Variants in MEX3C observed in about 807,000 individuals in gnomAD.
MEX3C encodes mex-3 RNA binding family member C, also known as RNA-binding E3 ubiquitin-protein ligase MEX3C.
MEX3C carries 15 observed loss-of-function variants against 35.5 expected under a neutral mutation model. The ratio of observed to expected loss-of-function variants is 0.42; its 90% CI spans 0.28 to 0.65. MEX3C has a LOEUF of 0.65. Ranked by LOEUF, MEX3C falls within the 30% of genes least tolerant of loss-of-function variation. The pLI, the probability that MEX3C is intolerant of heterozygous loss-of-function variation, is 0.20. For synonymous variants in MEX3C, 390 were observed against 352.8 expected, an observed-to-expected ratio of 1.11 and a Z score of -1.18; for missense variants, 711 against 842.8, an observed-to-expected ratio of 0.84 and a Z score of 1.94.
intron 1 of MEX3C, chr18:51,195,140 T>G (rs2144560812): frequency 6.6e-6 from 1 of 152,346 alleles, no homozygotes; most frequent in African/African-American, 2.4e-5. Flanking sequence ...TGTTCTTACA[T>G]GAATGGTCAA....
intron 1 of MEX3C, among the ~76,000 whole-genome samples, chr18:51,189,701 A>G (rs1166647318): frequency 6.6e-6 from 1 of 152,156 alleles, no homozygotes; most frequent in Non-Finnish European, 1.5e-5. Flanking sequence ...GGAGCTTGAA[A>G]TTATGTTCAT....
chr18:51,185,053 T>G (rs1008156881), intron 1 of MEX3C, among the ~76,000 whole-genome samples: 2 of 152,234 alleles, frequency 1.3e-5, no homozygotes, highest in African/African-American at 4.8e-5. Context: ...GACAAAAATT[T>G]ATTGTTTTTA....
chr18:51,182,333 C>T (rs970830095), intron 1 of MEX3C, among the ~76,000 whole-genome samples: 2 of 152,096 alleles, frequency 1.3e-5, no homozygotes, highest in Admixed American at 1.3e-4. Flanking sequence ...TAAATGATTT[C>T]GTAGCCTCAA....
At chr18:51,183,470 C>CTA (rs1912471296) in intron 1 of MEX3C, among the ~76,000 whole-genome samples, 2 of 152,184 alleles carry the variant, frequency 1.3e-5, no homozygotes, top group African/African-American at 2.4e-5. Flanking sequence ...CTTTAAAAAG[C>CTA]TATAGTAGAC....
chr18:51,196,523 G>A, intron 1 of MEX3C, 44 bp downstream of exon 1: 2 of 1,527,188 alleles, frequency 1.3e-6, no homozygotes, highest in Non-Finnish European at 1.7e-6. Flanking sequence ...CCCCACCCAC[G>A]CCCGGGGCCA....
Position 51,176,378 on chromosome 18 carries a change from A to C in MEX3C, c.1953T>G (p.Val651=), listed in dbSNP as rs900667070. The C allele has an allele frequency of 5.6e-6, 9 of 1,613,874 alleles. No individual in the cohort carries two copies. Among genetic ancestry groups the C allele is most frequent in the Middle Eastern group, 1.6e-4 (1 of 6,062 alleles). Residue 651 remains valine (V), a synonymous_variant, in exon 2 of 2, where the codon GTT becomes GTG. Transcript: ENST00000406189. ...AAGAGTGAATTTGGATTGCCTGAGT[A>C]ACAGCTGTCTGGCAAACTGGACATG... ...TPSCPVCQTA[V]TQAIQIHS
rs1465454373 is a variant in MEX3C, at chr18:51,176,842, G to A, written c.1489C>T (p.Pro497Ser). ...GATGTTGGTAAAGAGTCAAAGGCAG[G>A]AGAGTCAACTGCTAGGTCTTCTGAG... Reference protein sequence around the residue: ...VGSEDLAVDSPAFDSLPTSAQ... With the variant: ...VGSEDLAVDSSAFDSLPTSAQ... The change falls in exon 2 of 2, where the codon CCT becomes TCT. Residue 497 changes from proline to serine, a missense_variant. By Grantham distance (74) the Pro-to-Ser change is moderately conservative. Coordinates refer to ENST00000406189, the MANE Select transcript of MEX3C (RefSeq NM_016626.5). 1 of 1,613,872 alleles carries A rather than the reference G, an allele frequency of 6.2e-7. No homozygotes were observed. Among genetic ancestry groups the A allele is most frequent in the Non-Finnish European group, 8.5e-7 (1 of 1,179,900 alleles).
intron 1 of MEX3C, among the ~76,000 whole-genome samples, chr18:51,179,800 A>G (rs2144548803): frequency 6.6e-6 from 1 of 152,334 alleles, no homozygotes; most frequent in East Asian, 1.9e-4. Flanking sequence ...AATTGAGATC[A>G]CTTTCTATTG....
chr18:51,177,460 T>C lies in MEX3C; in HGVS notation c.871A>G (p.Arg291Gly), dbSNP rs1338141489. ...GRKEDVAMAK[R>G]EILSAAEHFS... ...TGCTCTGCAGCTGAGAGGATCTCTC[T>C]TTTGGCCATGGCAACATCTTCTTTC... is the stretch of plus-strand genomic sequence containing the variant. Residue 291 changes from arginine (R) to glycine (G), a missense_variant, in exon 2 of 2, where the codon AGA (arginine) becomes GGA (glycine). Transcript: ENST00000406189. This position sits in a 1 kb window ranked among gnomAD's most constrained non-coding sequence, Gnocchi z 4.2. The C allele has an allele frequency of 6.2e-7, 1 of 1,613,892 alleles. No individual in the cohort carries two copies. The highest frequency in any genetic ancestry group is 8.5e-7 in the Non-Finnish European group (1 of 1,179,896).
At position 51,176,264 on chromosome 18, in the gene MEX3C, T is replaced by C; in HGVS notation, c.*87A>G. ...AAAGCCTGATAACAGTCATAAGAAA[T>C]CATTAGGAAGTTTACTGGGGGGTAC... is the stretch of plus-strand genomic sequence containing the variant. On this transcript the variant is annotated 3_prime_UTR_variant, in exon 2 of 2. Transcript: ENST00000406189. 1 of 1,271,622 alleles carries C rather than the reference T, an allele frequency of 7.9e-7. No homozygotes were observed. Among genetic ancestry groups the C allele is most frequent in the Non-Finnish European group, 1.1e-6 (1 of 939,088 alleles). 78.8% of individuals were successfully genotyped at this position (1,271,622 alleles called of 1,614,324 possible).
intron 1 of MEX3C, among the ~76,000 whole-genome samples, chr18:51,185,448 A>G (rs768791861): frequency 5.4e-4 from 83 of 152,304 alleles, no homozygotes; most frequent in African/African-American, 1.9e-3. Context: ...AGATGATCTC[A>G]AGCTCCCCAA....
rs35675106 is a variant in MEX3C, at chr18:51,196,847, C to T, written c.474G>A (p.Pro158=). ...GCAGCACAGACCCCAGGGACCCGCC[C>T]GGGATCTGCTGGGTCTGAGAGGCGG... ...AATASQTQQI[P]GGSLGSVLLP... The change falls in exon 1 of 2, where the codon CCG becomes CCA. Residue 158 remains proline, a synonymous_variant. Transcript: ENST00000406189. 0.99 allele frequency: 1,523,375 copies of T among 1,538,050 alleles called. 755,553 individuals are homozygous for T. Among genetic ancestry groups the T allele is most frequent in the East Asian group, 1 (40,381 of 40,382 alleles).
At chr18:51,188,855 G>T (rs1216466335) in intron 1 of MEX3C, among the ~76,000 whole-genome samples, 1 of 152,176 alleles carries the variant, frequency 6.6e-6, no homozygotes, top group Admixed American at 6.5e-5. Flanking sequence ...AAAGTATTTA[G>T]TGATACATGT....
At chr18:51,186,335 A>T (rs144115025) in intron 1 of MEX3C, among the ~76,000 whole-genome samples, 1 of 152,356 alleles carries the variant, frequency 6.6e-6, no homozygotes, top group African/African-American at 2.4e-5. Context: ...ACTTACAGTA[A>T]ATAAAAGAAA....
intron 1 of MEX3C, among the ~76,000 whole-genome samples, chr18:51,179,290 C>A (rs1012896408): frequency 6.6e-6 from 1 of 152,146 alleles, no homozygotes; most frequent in African/African-American, 2.4e-5. Flanking sequence ...GCGGGAGCCA[C>A]CGCACCTGGC....
chr18:51,177,429 G>T lies in MEX3C; in HGVS notation c.902C>A (p.Ser301Tyr). 1 of 1,614,020 alleles carries T rather than the reference G, an allele frequency of 6.2e-7. No individual in the cohort carries two copies. Among genetic ancestry groups the T allele is most frequent in the Non-Finnish European group, 8.5e-7 (1 of 1,179,888 alleles). ...REILSAAEHF[S>Y]MIRASRNKNG... ...TTTGTTTCGAGATGCACGAATCATG[G>T]AGAAGTGCTCTGCAGCTGAGAGGAT... Residue 301 changes from serine (S) to tyrosine (Y), a missense_variant, in exon 2 of 2, where the codon TCC becomes TAC. By Grantham distance (144) the Ser-to-Tyr change is moderately radical. Around this residue, in one of 4 missense-constraint regions of MEX3C, gnomAD observed 83 missense variants for 179.1 expected, o/e 0.46. Transcript: ENST00000406189. This position sits in a 1 kb window ranked among gnomAD's most constrained non-coding sequence, Gnocchi z 4.2.
intron 1 of MEX3C, among the ~76,000 whole-genome samples, chr18:51,187,160 A>G (rs528099900): frequency 1.3e-5 from 2 of 152,084 alleles, no homozygotes; most frequent in South Asian, 2.1e-4. Flanking sequence ...TTCCTCTTCT[A>G]TCTCTGCTCG....
At chr18:51,178,427 A>AT (rs1912350929) in intron 1 of MEX3C, among the ~76,000 whole-genome samples, 1 of 151,438 alleles carries the variant, frequency 6.6e-6, no homozygotes, top group East Asian at 1.9e-4. Context: ...CTATGTGAAG[A>AT]TTAGAGGGCT....
intron 1 of MEX3C, among the ~76,000 whole-genome samples, chr18:51,179,346 A>G (rs1420945448): frequency 1.3e-5 from 2 of 152,138 alleles, no homozygotes; most frequent in African/African-American, 4.8e-5. Flanking sequence ...TTTTTGCACA[A>G]AGTGGAACTT....
Sources: gnomAD v4.1 joint callset for allele counts (sites outside exome capture counted in the v4.1 genomes callset) on GRCh38, gnomAD v4.1.1 for gene constraint, gnomAD v4.1.1 regional missense constraint, Gnocchi (gnomAD v3.1) non-coding constraint, MANE v1.5 for transcripts, NCBI Gene and HGNC (gene_info 2026-07-23, HGNC 2026-07-21) for gene names.